NEMP1: variants seen among roughly 807,000 people sequenced by gnomAD.
NEMP1 encodes the protein nuclear envelope integral membrane protein 1, also known as transmembrane protein 194.
Under a neutral mutation model 53.7 loss-of-function variants are expected in NEMP1, and 29 were observed. The observed-to-expected ratio is 0.54, with a 90% CI of 0.40 to 0.74. The LOEUF (loss-of-function observed/expected upper bound fraction) is 0.74. Ranked by LOEUF, NEMP1 falls within the 30% of genes least tolerant of loss-of-function variation. The pLI is 0.00. For synonymous variants in NEMP1, 193 were observed against 192.9 expected (o/e 1.00, Z 0.00); for missense variants, 477 against 528.6 (o/e 0.90, Z 0.96).
chr12:57,060,829 C>T lies in NEMP1; in HGVS notation c.1097G>A (p.Cys366Tyr), dbSNP rs2031763570. The stretch of plus-strand genomic sequence containing the variant: ...CCAAGCAGAGCAGTCTGGACTGTTA[C>T]AAAATTCTCGGAGCTCCTCTAAAGC... ...RKALEELREF[C>Y]NSPDCSAWKT... The change falls in exon 8 of 9, where the codon TGT becomes TAT. Residue 366 changes from cysteine to tyrosine, a missense_variant. Transcript: ENST00000300128. 1 of 1,614,138 alleles carries T rather than the reference C, an allele frequency of 6.2e-7. No individual in the cohort carries two copies. Among genetic ancestry groups the T allele is most frequent in the Non-Finnish European group, 8.5e-7 (1 of 1,180,002 alleles).
upstream of NEMP1, among the ~76,000 whole-genome samples, chr12:57,081,253 TG>T (rs1373938891): frequency 3.3e-5 from 5 of 152,302 alleles, no homozygotes; most frequent in East Asian, 9.7e-4. Flanking sequence ...TTTTTGTTTT[TG>T]TTTTTTGAGA....
chr12:57,068,916 C>T (rs987008992), intron 4 of NEMP1, among the ~76,000 whole-genome samples: 1 of 152,018 alleles, frequency 6.6e-6, no homozygotes, highest in Admixed American at 6.6e-5. Context: ...AACCCATGGA[C>T]CTGTAAAGAT....
In NEMP1 at chr12:57,060,928, G is replaced by C; in HGVS notation, c.998C>G (p.Ala333Gly). The C allele has an allele frequency of 6.2e-7, 1 of 1,613,758 alleles. No individual in the cohort carries two copies. Among genetic ancestry groups the C allele is most frequent in the Non-Finnish European group, 8.5e-7 (1 of 1,179,932 alleles). Residue 333 changes from alanine to glycine, a missense_variant, in exon 8 of 9, where the codon GCA becomes GGA. Transcript: ENST00000300128. ...GAGACGAGGGGGAACAGGCTTTTCTGCTCCCTTACACACCTTTCTGTGCTC... is the reference window on the plus strand; with the variant it reads ...GAGACGAGGGGGAACAGGCTTTTCTCCTCCCTTACACACCTTTCTGTGCTC... The part of the protein sequence containing the change: ...YITCRKVCKG[A>G]EKPVPPRLLT...
rs2031626380 is a variant in NEMP1 at position 57,058,277 on chromosome 12, C to A, written c.*1602G>T. 1 of 152,192 alleles carries A rather than the reference C, an allele frequency of 6.6e-6. No individual in the cohort carries two copies. Among genetic ancestry groups the A allele is most frequent in the Non-Finnish European group, 1.5e-5 (1 of 68,034 alleles). The allele number at this position is 152,192 out of a possible 1,614,324, so 9.4% of individuals were successfully genotyped here. On this transcript the variant is annotated 3_prime_UTR_variant, in exon 9 of 9. Transcript: ENST00000300128. ...GACCCTTTGGAAGTCTGCAATGGAG[C>A]TAGGCCTTTCAAAATTACCACGCTA...
chr12:57,061,148 G>A (rs565680278), intron 7 of NEMP1, among the ~76,000 whole-genome samples: 90 of 151,958 alleles, frequency 5.9e-4, no homozygotes, highest in African/African-American at 1.9e-3. Context: ...GCGACAGAGC[G>A]AGACTCCATC....
chr12:57,073,575 C>T (rs886469597), intron 1 of NEMP1, among the ~76,000 whole-genome samples: 4 of 151,844 alleles, frequency 2.6e-5, no homozygotes, highest in African/African-American at 7.3e-5. Flanking sequence ...ACTTGGGAGG[C>T]GGAGGTTGAG....
In NEMP1 at chr12:57,063,356, G is replaced by A; in HGVS notation, c.755-12C>T. The A allele has an allele frequency of 1.2e-6, 2 of 1,603,124 alleles. No homozygotes were observed. The highest frequency in any genetic ancestry group is 8.5e-7 in the Non-Finnish European group (1 of 1,170,478). ...TGTGAGGACATAACCTATGAGAAGA[G>A]TTATCAGAAGACATTCTTTTTCATC... is the stretch of plus-strand genomic sequence containing the variant. On this transcript the variant is annotated splice_polypyrimidine_tract_variant and intron_variant, in intron 6 of 8. Transcript: ENST00000300128.
Position 57,060,024 on chromosome 12 carries a change from G to GT in NEMP1, c.1189dup (p.Thr397AsnfsTer4). The GT allele has an allele frequency of 6.2e-7, 1 of 1,613,974 alleles. No homozygotes were observed. Among genetic ancestry groups the GT allele is most frequent in the Non-Finnish European group, 8.5e-7 (1 of 1,179,944 alleles). On this transcript the variant is annotated frameshift_variant, in exon 9 of 9. Transcript: ENST00000300128. LOFTEE classifies it high-confidence loss of function. ...CTCATGGACAGAAACTTCATTTGGC[G>GT]TGAGGTGGGAAGAGCCTTCCACAAA...
chr12:57,069,453 G>C, intron 3 of NEMP1, 147 bp from the exon 4 acceptor site: 4 of 578,444 alleles, frequency 6.9e-6, no homozygotes, highest in South Asian at 2.2e-5. Flanking sequence ...TTCACCTAAA[G>C]CCTGGGCACC....
At chr12:57,062,390 G>GA (rs1278171893) in intron 7 of NEMP1, among the ~76,000 whole-genome samples, 4 of 152,036 alleles carry the variant, frequency 2.6e-5, no homozygotes, top group African/African-American at 9.7e-5. Context: ...TGAGGCAGAA[G>GA]AATCACTTGA....
In NEMP1 at chr12:57,057,200, T is replaced by C. The variant is rs931709838; in HGVS notation, c.*2679A>G. The C allele has an allele frequency of 6.6e-6, 1 of 152,220 alleles. No individual in the cohort carries two copies. Among genetic ancestry groups the C allele is most frequent in the African/African-American group, 2.4e-5 (1 of 41,452 alleles). The allele number at this position is 152,220 out of a possible 1,614,324, so 9.4% of individuals were successfully genotyped here. On this transcript the variant is annotated 3_prime_UTR_variant, in exon 9 of 9. Coordinates refer to ENST00000300128, the MANE Select transcript of NEMP1 (RefSeq NM_001130963.2). ...CTGATGAGAGGCAATAGATTTCCAA[T>C]GCTGATGAGATCCAGAGCCCTGGAG...
At chr12:57,062,374 G>A (rs2031852419) in intron 7 of NEMP1, among the ~76,000 whole-genome samples, 1 of 152,230 alleles carries the variant, frequency 6.6e-6, no homozygotes, top group South Asian at 2.1e-4. Flanking sequence ...CAACTATTCG[G>A]GAGGCTGAGG....
chr12:57,085,955 C>G (rs913032730), intron 1 of NEMP1, among the ~76,000 whole-genome samples: 2 of 152,228 alleles, frequency 1.3e-5, no homozygotes, highest in African/African-American at 2.4e-5. Flanking sequence ...CACCAGATAA[C>G]AGGCCTATCC....
At chr12:57,086,703 G>C (rs550960323) in intron 1 of NEMP1, among the ~76,000 whole-genome samples, 1 of 152,190 alleles carries the variant, frequency 6.6e-6, no homozygotes, top group Non-Finnish European at 1.5e-5. Flanking sequence ...CAGACATCTC[G>C]GCAGCTCTGG....
chr12:57,057,846 ATCACC>A lies in NEMP1; in HGVS notation c.*2028_*2032del, dbSNP rs2136474548. ...GAAAAGTCACCCTTATAGGCAAGCT[ATCACC>A]TCCCTAAGTAGGGGAGGCACCAAAA... On this transcript the variant is annotated 3_prime_UTR_variant, in exon 9 of 9. Coordinates refer to ENST00000300128, the MANE Select transcript of NEMP1 (RefSeq NM_001130963.2). The A allele has an allele frequency of 6.6e-6, 1 of 152,352 alleles. No homozygotes were observed. Among genetic ancestry groups the A allele is most frequent in the Non-Finnish European group, 1.5e-5 (1 of 68,028 alleles). The allele number at this position is 152,352 out of a possible 1,614,324, so 9.4% of individuals were successfully genotyped here.
At chr12:57,080,467 T>C (rs541779625), upstream of NEMP1, among the ~76,000 whole-genome samples, 94 of 151,788 alleles carry the variant, frequency 6.2e-4, no homozygotes, top group Middle Eastern at 3.4e-3. Flanking sequence ...TAAGCCCAGC[T>C]ACTCAGGAGG....
intron 1 of NEMP1, 69 bp downstream of exon 1, chr12:57,078,550 G>A (rs756661050): frequency 4.5e-6 from 7 of 1,546,240 alleles, no homozygotes; most frequent in South Asian, 1.2e-5. Flanking sequence ...CGCGCCCTCG[G>A]GACAATCCCT....
Position 57,070,869 on chromosome 12 carries a change from C to G in NEMP1, c.277G>C (p.Val93Leu), listed in dbSNP as rs752391194. 3.7e-6 allele frequency: 6 copies of G among 1,614,030 alleles called. No homozygotes were observed. In the South Asian group the frequency reaches 6.6e-5, roughly 18 times the overall value. The change falls in exon 3 of 9, where the codon GTT becomes CTT. Residue 93 changes from valine (V) to leucine (L), a missense_variant. By Grantham distance (32) the Val-to-Leu change is conservative (BLOSUM62 1). Transcript: ENST00000300128. Reference sequence around the variant, plus strand: ...TCATTCTCCACCTGGGTGACTCGAACCAATCTGGAACTATTTACTCGGATC... The same window carrying G: ...TCATTCTCCACCTGGGTGACTCGAAGCAATCTGGAACTATTTACTCGGATC... Reference protein sequence around the residue: ...IQIRVNSSRLVRVTQVENEEK... With the variant: ...IQIRVNSSRLLRVTQVENEEK...
chr12:57,076,091 A>C (rs990464311), intron 1 of NEMP1, among the ~76,000 whole-genome samples: 1 of 152,144 alleles, frequency 6.6e-6, no homozygotes, highest in African/African-American at 2.4e-5. Context: ...CCATCTCAAA[A>C]AAATAAATAA....
Sources: gnomAD v4.1 joint callset for allele counts (sites outside exome capture counted in the v4.1 genomes callset) on GRCh38, gnomAD v4.1.1 for gene constraint, MANE v1.5 for transcripts, NCBI Gene and HGNC (gene_info 2026-07-23, HGNC 2026-07-21) for gene names.